The following NCAPD2 variants were observed in gnomAD, a reference collection of about 807,000 sequenced individuals.
NCAPD2 encodes condensin complex subunit 1.
In NCAPD2, 100 loss-of-function variants were observed where a neutral mutation model predicts 164.5. The ratio of observed to expected loss-of-function variants is 0.61; its 90% CI spans 0.52 to 0.72. The LOEUF is 0.72. NCAPD2 is among the 30% of genes least tolerant of loss of function. The probability of loss-of-function intolerance (pLI) is 0.00; values close to 1 mark genes in which losing one functional copy is unlikely to be tolerated. For missense variants in NCAPD2, 1,560 were observed against 1,749.2 expected, an observed-to-expected ratio of 0.89 and a Z score of 1.93; for synonymous variants, 585 against 642.6, an observed-to-expected ratio of 0.91 and a Z score of 1.36.
chr12:6,525,963 G>A, intron 18 of NCAPD2, 105 bp from the exon 19 acceptor site: 1 of 1,460,342 alleles, frequency 6.8e-7, no homozygotes, highest in Non-Finnish European at 9.3e-7. Flanking sequence ...GTGCTCCACG[G>A]CTCTAGACAC....
At chr12:6,497,427 AT>A (rs1351059266) in intron 2 of NCAPD2, among the ~76,000 whole-genome samples, 7 of 151,244 alleles carry the variant, frequency 4.6e-5, no homozygotes, top group African/African-American at 9.7e-5. Flanking sequence ...TGTATTAGCT[AT>A]TTTTTTCTTA....
Position 6,509,760 on chromosome 12 carries a change from G to A in NCAPD2, c.171G>A (p.Leu57=). 6.2e-7 allele frequency: 1 copy of A among 1,614,056 alleles called. No homozygotes were observed. Residue 57 remains leucine (L), a synonymous_variant, in exon 3 of 32, where the codon CTG becomes CTA. Transcript: ENST00000315579. ...GAGCTCAGGGGCCCCTGGCTATGCT[G>A]CAGCACTTTGATACTATCTACAGCA... is the stretch of plus-strand genomic sequence containing the variant. ...AFRAQGPLAM[L]QHFDTIYSIL...
intron 2 of NCAPD2, among the ~76,000 whole-genome samples, chr12:6,509,242 ATC>A (rs1274488753): frequency 6.6e-6 from 1 of 152,106 alleles, no homozygotes; most frequent in Non-Finnish European, 1.5e-5. Context: ...AATATAAGAT[ATC>A]ATCATCATTA....
At position 6,528,462 on chromosome 12, in the gene NCAPD2, A is replaced by G; in HGVS notation, c.3299+134A>G. 1 of 1,309,142 alleles carries G rather than the reference A, an allele frequency of 7.6e-7. No individual in the cohort carries two copies. The highest frequency in any genetic ancestry group is 1.1e-6 in the Non-Finnish European group (1 of 939,750). The allele number at this position is 1,309,142 out of a possible 1,614,324, so 81.1% of individuals were successfully genotyped here. On this transcript the variant is annotated intron_variant, in intron 25 of 31. Transcript: ENST00000315579. This position sits in a 1 kb window ranked among gnomAD's most constrained non-coding sequence, Gnocchi z 5.1. The stretch of plus-strand genomic sequence containing the variant: ...AACATCTGCTTGATACTTGACCTGT[A>G]CAGGCCCCTGGCTAAGAGTCACCCC...
At chr12:6,525,917 C>T (rs949895570) in intron 18 of NCAPD2, 151 bp from the exon 19 acceptor site, 4 of 1,224,948 alleles carry the variant, frequency 3.3e-6, no homozygotes, top group African/African-American at 1.5e-5. Context: ...AGCAACAGGA[C>T]CCAAGAGGCT....
At chr12:6,529,433 G>C (rs747643098) in intron 27 of NCAPD2, 80 bp from the exon 28 acceptor site, 1 of 1,248,776 alleles carries the variant, frequency 8.0e-7, no homozygotes. Context: ...ACGAGTGCTG[G>C]GGGAGGGTCC....
At chr12:6,518,765 C>G (rs1178073523) in intron 13 of NCAPD2, among the ~76,000 whole-genome samples, 1 of 151,870 alleles carries the variant, frequency 6.6e-6, no homozygotes, top group Non-Finnish European at 1.5e-5. Flanking sequence ...AGGTGATCCA[C>G]CCATCTCAGC....
Position 6,531,665 on chromosome 12 carries a change from C to A in NCAPD2, c.*253C>A. ...TACTAAAAATAAAAAATTAGCCGGGCGTATTGGCGTGCGCCTGTAATCCCA... is the reference window on the plus strand; with the variant it reads ...TACTAAAAATAAAAAATTAGCCGGGAGTATTGGCGTGCGCCTGTAATCCCA... On this transcript the variant is annotated 3_prime_UTR_variant, in exon 32 of 32. Transcript: ENST00000315579. The surrounding 1 kb of genome is among the most constrained non-coding windows in gnomAD (Gnocchi z 4.1). 5.6e-6 allele frequency: 3 copies of A among 534,780 alleles called. No individual in the cohort carries two copies. The highest frequency in any genetic ancestry group is 3.1e-6 in the Non-Finnish European group (1 of 319,008). 33.1% of individuals were successfully genotyped at this position (534,780 alleles called of 1,614,324 possible).
At chr12:6,505,783 G>A (rs1256496820) in intron 2 of NCAPD2, among the ~76,000 whole-genome samples, 2 of 152,098 alleles carry the variant, frequency 1.3e-5, no homozygotes, top group Non-Finnish European at 2.9e-5. Context: ...GAGGATCGCT[G>A]GAACCTGGGA....
At position 6,514,583 on chromosome 12, in the gene NCAPD2, G is replaced by A. The variant is rs1486737685; in HGVS notation, c.835G>A (p.Val279Ile). Residue 279 changes from valine (V) to isoleucine (I), a missense_variant, in exon 8 of 32, where the codon GTA becomes ATA. Transcript: ENST00000315579. ...YGMKSIVGEI[V>I]REIGQKCPQE... ...AATGAAGAGCATAGTGGGAGAGATTGTAAGGTGACTCTTCCTTCTCGAAGT... is the reference window on the plus strand; with the variant it reads ...AATGAAGAGCATAGTGGGAGAGATTATAAGGTGACTCTTCCTTCTCGAAGT... The A allele has an allele frequency of 1.2e-6, 2 of 1,614,194 alleles. No homozygotes were observed. The highest frequency in any genetic ancestry group is 2.7e-5 in the African/African-American group (2 of 75,050).
At chr12:6,502,691 G>A (rs1452076122) in intron 2 of NCAPD2, among the ~76,000 whole-genome samples, 1 of 152,028 alleles carries the variant, frequency 6.6e-6, no homozygotes, top group African/African-American at 2.4e-5. Flanking sequence ...GGCACTGCCT[G>A]TAGTCCCAGC....
chr12:6,526,140 G>A lies in NCAPD2; in HGVS notation c.2421G>A (p.Gln807=). The A allele has an allele frequency of 1.2e-6, 2 of 1,614,154 alleles. No homozygotes were observed. Among genetic ancestry groups the A allele is most frequent in the East Asian group, 2.2e-5 (1 of 44,888 alleles). Residue 807 remains glutamine (Q), a synonymous_variant, in exon 19 of 32, where the codon CAG becomes CAA. Coordinates refer to ENST00000315579, the MANE Select transcript of NCAPD2 (RefSeq NM_014865.4). ...VSIGLDEKFP[Q]DYRLAQQVCH... ...TAGGGCTGGATGAGAAGTTTCCACA[G>A]GACTACAGGCTGGCCCAGCAGGTGT...
At chr12:6,499,978 C>T (rs2137036347) in intron 2 of NCAPD2, among the ~76,000 whole-genome samples, 1 of 152,234 alleles carries the variant, frequency 6.6e-6, no homozygotes, top group East Asian at 1.9e-4. Context: ...AAAAAGTTAG[C>T]CAGGCGTGGT....
At chr12:6,509,581 A>G in intron 2 of NCAPD2, 136 bp from the exon 3 acceptor site, 2 of 836,420 alleles carry the variant, frequency 2.4e-6, no homozygotes, top group South Asian at 1.4e-5. Flanking sequence ...ATTATAGGTT[A>G]CATTGAAGTG....
At chr12:6,521,658 C>T (rs1946264514) in intron 14 of NCAPD2, 140 bp from the exon 15 acceptor site, 5 of 1,091,496 alleles carry the variant, frequency 4.6e-6, no homozygotes, top group Admixed American at 2.4e-5. Flanking sequence ...CACTGCACAG[C>T]CTAGGCAACA....
At chr12:6,525,188 T>C (rs1253392401) in intron 17 of NCAPD2, among the ~76,000 whole-genome samples, 1 of 152,210 alleles carries the variant, frequency 6.6e-6, no homozygotes, top group Non-Finnish European at 1.5e-5. Flanking sequence ...ACCGAAATTT[T>C]AAGCACATAT....
intron 2 of NCAPD2, among the ~76,000 whole-genome samples, chr12:6,505,391 C>T (rs539472022): frequency 3.7e-4 from 57 of 152,228 alleles, no homozygotes; most frequent in Admixed American, 3.5e-3. Context: ...ACTGGAGAGA[C>T]GAACTGCTCA....
At chr12:6,501,344 C>T (rs1261298105) in intron 2 of NCAPD2, among the ~76,000 whole-genome samples, 1 of 149,088 alleles carries the variant, frequency 6.7e-6, no homozygotes, top group Non-Finnish European at 1.5e-5. Flanking sequence ...AGGGTCACGA[C>T]ACCTGGCTAA....
rs2137046449 is a variant in NCAPD2 at position 6,510,614 on chromosome 12, T to C, written c.263-15T>C. 1 of 1,613,968 alleles carries C rather than the reference T, an allele frequency of 6.2e-7. No individual in the cohort carries two copies. Among genetic ancestry groups the C allele is most frequent in the East Asian group, 2.2e-5 (1 of 44,876 alleles). On this transcript the variant is annotated splice_polypyrimidine_tract_variant and intron_variant, in intron 4 of 31. Coordinates refer to ENST00000315579, the MANE Select transcript of NCAPD2 (RefSeq NM_014865.4). ...GAAGTGAGTGAAACTGACTCCAAGA[T>C]TCTGCCCCTCACAGTGGTATCCCGC...
Sources: gnomAD v4.1 joint callset for allele counts (sites outside exome capture counted in the v4.1 genomes callset) on GRCh38, gnomAD v4.1.1 for gene constraint, Gnocchi (gnomAD v3.1) non-coding constraint, MANE v1.5 for transcripts, NCBI Gene and HGNC (gene_info 2026-07-23, HGNC 2026-07-21) for gene names.